The following DLGAP5 variants were observed in gnomAD, a reference collection of about 807,000 sequenced individuals.
The protein encoded by DLGAP5 is disks large-associated protein 5.
Under a neutral mutation model 99.6 loss-of-function variants are expected in DLGAP5, and 90 were observed. That is an observed-to-expected ratio of 0.90 (90% CI 0.76 to 1.08). The LOEUF is 1.08. DLGAP5 is among the 50% of genes least tolerant of loss of function. The probability of loss-of-function intolerance (pLI) is 0.00; values close to 1 mark genes in which losing one functional copy is unlikely to be tolerated. For missense variants in DLGAP5, 1,036 were observed against 983.5 expected, an observed-to-expected ratio of 1.05 and a Z score of -0.71; for synonymous variants, 311 against 321.3, an observed-to-expected ratio of 0.97 and a Z score of 0.34.
chr14:55,177,358 T>C, intron 7 of DLGAP5, 22 bp from the exon 8 acceptor site: 3 of 1,550,100 alleles, frequency 1.9e-6, no homozygotes, highest in Non-Finnish European at 2.6e-6. Context: ...GTTAACAAAG[T>C]AGAGTAAGAT....
intron 2 of DLGAP5, among the ~76,000 whole-genome samples, chr14:55,184,523 T>C (rs770404457): frequency 2.0e-5 from 3 of 152,212 alleles, no homozygotes; most frequent in Non-Finnish European, 2.9e-5. Flanking sequence ...AGTCTTGCCC[T>C]GTGTCATCCC....
At chr14:55,172,153 A>T (rs1046794403) in intron 10 of DLGAP5, among the ~76,000 whole-genome samples, 1 of 150,376 alleles carries the variant, frequency 6.6e-6, no homozygotes, top group Admixed American at 6.6e-5. Context: ...GGTGGGAGCC[A>T]CCGAACCCGG....
chr14:55,176,005 C>G lies in DLGAP5; in HGVS notation c.1063G>C (p.Ala355Pro). 2 of 1,605,348 alleles carry G rather than the reference C, an allele frequency of 1.2e-6. No homozygotes were observed. The highest frequency in any genetic ancestry group is 1.7e-4 in the Middle Eastern group (1 of 6,028). Residue 355 changes from alanine to proline, a missense_variant, in exon 9 of 19, where the codon GCA becomes CCA. Coordinates refer to ENST00000247191, the MANE Select transcript of DLGAP5 (RefSeq NM_014750.5). ...TTTTGTGCCAAAATTTCTTTTGTTG[C>G]TTGAGACTCATCACTAAAAACAATA... ...PLKTEVDESQ[A>P]TKEILAQKCK... is the part of the protein sequence containing the mutation.
rs1882303120 is a variant in DLGAP5, at chr14:55,158,735, C to T, written c.1660G>A (p.Val554Ile). The T allele has an allele frequency of 1.2e-6, 2 of 1,612,324 alleles. No individual in the cohort carries two copies. Among genetic ancestry groups the T allele is most frequent in the African/African-American group, 2.7e-5 (2 of 74,872 alleles). ...GGTTTACTTGCTATACCTGAGACAA[C>T]TTTTTTCTGCAAAGAGAAACTAACA... ...NMNKNVFRKK[V>I]VSGIASKPKQ... is the part of the protein sequence containing the mutation. Residue 554 changes from valine (V) to isoleucine (I), a missense_variant, in exon 14 of 19, where the codon GTT (valine) becomes ATT (isoleucine). Val to Ile is a conservative substitution (Grantham distance 29). Transcript: ENST00000247191.
At chr14:55,166,749 T>C (rs1882656860) in intron 12 of DLGAP5, among the ~76,000 whole-genome samples, 1 of 151,840 alleles carries the variant, frequency 6.6e-6, no homozygotes, top group Admixed American at 6.6e-5. Flanking sequence ...AATACATATA[T>C]ATATTCTAAA....
chr14:55,169,095 G>A (rs569765415), intron 12 of DLGAP5, among the ~76,000 whole-genome samples: 1 of 146,768 alleles, frequency 6.8e-6, no homozygotes, highest in African/African-American at 2.6e-5. Context: ...AGAATGGTGT[G>A]AACCTGGGGG....
intron 13 of DLGAP5, among the ~76,000 whole-genome samples, chr14:55,161,410 T>A (rs141185688): frequency 0.012 from 873 of 72,962 alleles, 4 homozygotes; most frequent in African/African-American, 0.063. Flanking sequence ...AAAAAAAAAT[T>A]TTTTTTTTTT....
At position 55,183,081 on chromosome 14, in the gene DLGAP5, T is replaced by C. The variant is rs545669392; in HGVS notation, c.432+479A>G. On this transcript the variant is annotated intron_variant, in intron 3 of 18. Coordinates refer to ENST00000247191, the MANE Select transcript of DLGAP5 (RefSeq NM_014750.5). ...TCACCATCTACTTGGCCACCAGTCC[T>C]GTCAAATGCCTTTATTTAGATGTCT... is the stretch of plus-strand genomic sequence containing the variant. Among the ~76,000 whole-genome samples the C allele has an allele frequency of 2.8e-3, 420 of 152,318 alleles. 1 individual carries two copies. The highest frequency in any genetic ancestry group is 4.4e-3 in the Non-Finnish European group (302 of 68,026).
chr14:55,168,726 T>C (rs1882734468), intron 12 of DLGAP5, among the ~76,000 whole-genome samples: 1 of 152,102 alleles, frequency 6.6e-6, no homozygotes, highest in African/African-American at 2.4e-5. Context: ...ACAATACTCC[T>C]AACACAATAA....
chr14:55,174,226 G>A (rs1224269025), intron 10 of DLGAP5, among the ~76,000 whole-genome samples: 1 of 152,190 alleles, frequency 6.6e-6, no homozygotes, highest in Non-Finnish European at 1.5e-5. Context: ...ATAGACCCCA[G>A]TCTCCCATAG....
intron 9 of DLGAP5, 147 bp downstream of exon 9, chr14:55,175,747 C>A: frequency 1.4e-6 from 1 of 705,386 alleles, no homozygotes; most frequent in Non-Finnish European, 2.2e-6. Flanking sequence ...AGTTCACATC[C>A]CCAAATGATA....
intron 18 of DLGAP5, among the ~76,000 whole-genome samples, chr14:55,149,764 G>A (rs148271651): frequency 2.0e-5 from 3 of 148,530 alleles, no homozygotes; most frequent in Non-Finnish European, 3.0e-5. Context: ...TAAAAATATC[G>A]GCCAGGCACG....
chr14:55,152,139 C>T (rs1041357788), intron 16 of DLGAP5, among the ~76,000 whole-genome samples, 198 bp from the exon 17 acceptor site: 2 of 152,266 alleles, frequency 1.3e-5, no homozygotes, highest in East Asian at 3.9e-4. Context: ...TGATTGAAGG[C>T]AAGTTTCTCA....
Position 55,181,264 on chromosome 14 carries a change from G to A in DLGAP5, c.529C>T (p.Pro177Ser), listed in dbSNP as rs143819646. ...DNESDVRAIR[P>S]GPRQTSEKKV... ...TTTTCAGAAGTTTGTCTTGGACCAGGTCGGATTGCTCGAACATCACTCTCG... is the reference window on the plus strand; with the variant it reads ...TTTTCAGAAGTTTGTCTTGGACCAGATCGGATTGCTCGAACATCACTCTCG... The change falls in exon 5 of 19, where the codon CCT (proline) becomes TCT (serine). Residue 177 changes from proline (P) to serine (S), a missense_variant. Coordinates refer to ENST00000247191, the MANE Select transcript of DLGAP5 (RefSeq NM_014750.5). 5.8e-4 allele frequency: 930 copies of A among 1,614,058 alleles called. No individual in the cohort carries two copies. The highest frequency in any genetic ancestry group is 7.1e-4 in the Non-Finnish European group (843 of 1,180,000).
At position 55,176,036 on chromosome 14, in the gene DLGAP5, A is replaced by T. The variant is rs1344393818; in HGVS notation, c.1050-18T>A. On this transcript the variant is annotated intron_variant, in intron 8 of 18. Coordinates refer to ENST00000247191, the MANE Select transcript of DLGAP5 (RefSeq NM_014750.5). ...ACTCATCACTAAAAACAATAGCAAA[A>T]ATATACTTCATGAAACATGAACTCC... is the stretch of plus-strand genomic sequence containing the variant. The T allele has an allele frequency of 6.3e-7, 1 of 1,593,504 alleles. No individual in the cohort carries two copies. The highest frequency in any genetic ancestry group is 1.1e-5 in the South Asian group (1 of 87,266).
intron 14 of DLGAP5, among the ~76,000 whole-genome samples, chr14:55,155,737 T>C (rs899038863): frequency 6.6e-6 from 1 of 152,166 alleles, no homozygotes; most frequent in African/African-American, 2.4e-5. Flanking sequence ...AGCTATAATG[T>C]AGATTGTTGA....
At chr14:55,154,564 T>C in intron 15 of DLGAP5, 53 bp downstream of exon 15, 1 of 1,417,834 alleles carries the variant, frequency 7.1e-7, no homozygotes, top group Admixed American at 1.7e-5. Context: ...CAATCTGAAA[T>C]GGTATTTAGT....
In DLGAP5 at chr14:55,151,710, T is replaced by C. The variant is rs771416660; in HGVS notation, c.2353A>G (p.Lys785Glu). Residue 785 changes from lysine (K) to glutamate (E), a missense_variant, in exon 17 of 19, where the codon AAA (lysine) becomes GAA (glutamate). Coordinates refer to ENST00000247191, the MANE Select transcript of DLGAP5 (RefSeq NM_014750.5). Reference protein sequence around the residue: ...QNSILEEGETKISQSELFDNK... With the variant: ...QNSILEEGETEISQSELFDNK... The stretch of plus-strand genomic sequence containing the variant: ...AATATCTCACCTGACTGAGAAATTT[T>C]AGTTTCCCCTTCTTCTAAGATGCTA... 4 of 1,612,806 alleles carry C rather than the reference T, an allele frequency of 2.5e-6. No individual in the cohort carries two copies. The highest frequency in any genetic ancestry group is 3.4e-6 in the Non-Finnish European group (4 of 1,179,624).
chr14:55,189,542 G>A (rs1883539590), intron 1 of DLGAP5, among the ~76,000 whole-genome samples: 1 of 152,138 alleles, frequency 6.6e-6, no homozygotes, highest in Non-Finnish European at 1.5e-5. Flanking sequence ...TACCCATGAT[G>A]AGGAATGCAG....
Sources: allele counts gnomAD v4.1 joint callset (sites outside exome capture counted in the v4.1 genomes callset), GRCh38; gene constraint gnomAD v4.1.1; transcripts MANE v1.5; gene names NCBI Gene and HGNC (gene_info 2026-07-23, HGNC 2026-07-21).